Variants in ARID4A observed in about 807,000 individuals in gnomAD.
ARID4A encodes AT-rich interactive domain-containing protein 4A.
ARID4A carries 39 observed loss-of-function variants against 148.6 expected under a neutral mutation model. The ratio of observed to expected loss-of-function variants is 0.26; its 90% CI spans 0.20 to 0.34. The LOEUF (loss-of-function observed/expected upper bound fraction) is 0.34, where lower values mean the gene tolerates loss of function less well. ARID4A is among the 10% of genes least tolerant of loss of function. ARID4A has a pLI of 1.00. For synonymous variants in ARID4A, 475 were observed against 481.2 expected (o/e 0.99, Z 0.17); for missense variants, 1,265 against 1,449.1 (o/e 0.87, Z 2.06).
At chr14:58,370,191 T>G (rs1381977471) in intron 23 of ARID4A, 1 of 152,326 alleles carries the variant, frequency 6.6e-6, no homozygotes, top group East Asian at 1.9e-4. Flanking sequence ...CTTTTGAATA[T>G]CAAAAGAAGA....
At chr14:58,306,539 G>A (rs2031615535) in intron 5 of ARID4A, among the ~76,000 whole-genome samples, 2 of 152,172 alleles carry the variant, frequency 1.3e-5, no homozygotes, top group Admixed American at 1.3e-4. Flanking sequence ...ATAGGTGATT[G>A]TTAACTTAGT....
intron 11 of ARID4A, among the ~76,000 whole-genome samples, chr14:58,344,475 T>C (rs2034261170): frequency 6.6e-6 from 1 of 152,172 alleles, no homozygotes; most frequent in Non-Finnish European, 1.5e-5. Flanking sequence ...CTTACAGTGA[T>C]ACTGAAAAGT....
intron 3 of ARID4A, among the ~76,000 whole-genome samples, chr14:58,303,292 G>A (rs1030190036): frequency 1.2e-4 from 19 of 152,038 alleles, no homozygotes; most frequent in Admixed American, 1.2e-3. Flanking sequence ...ATTTCTTTGT[G>A]TTGGGAATAT....
intron 5 of ARID4A, 88 bp from the exon 6 acceptor site, chr14:58,318,454 T>C: frequency 8.0e-7 from 1 of 1,248,198 alleles, no homozygotes; most frequent in South Asian, 1.3e-5. Context: ...TATTAAGCTC[T>C]AATTAATAGC....
At chr14:58,340,275 G>C (rs2034047970) in intron 11 of ARID4A, among the ~76,000 whole-genome samples, 1 of 152,060 alleles carries the variant, frequency 6.6e-6, no homozygotes, top group Non-Finnish European at 1.5e-5. Context: ...GCCCAGGCTG[G>C]AGTGCAGTGG....
In ARID4A at chr14:58,347,655, A is replaced by T; in HGVS notation, c.1181A>T (p.Tyr394Phe). ...NVKTAYRKYLYGFEEYCRSAN... is the reference protein window; with the variant it reads ...NVKTAYRKYLFGFEEYCRSAN... Reference sequence around the variant, plus strand: ...AAATATTGTTTGTTTAGGTATCTCTATGGTTTTGAGGAGTACTGCCGTTCG... The same window carrying T: ...AAATATTGTTTGTTTAGGTATCTCTTTGGTTTTGAGGAGTACTGCCGTTCG... The change falls in exon 15 of 24, where the codon TAT (tyrosine) becomes TTT (phenylalanine). Residue 394 changes from tyrosine (Y) to phenylalanine (F), a missense_variant. By Grantham distance (22) the Tyr-to-Phe change is conservative. Transcript: ENST00000355431. The T allele has an allele frequency of 6.3e-7, 1 of 1,592,266 alleles. No homozygotes were observed. The highest frequency in any genetic ancestry group is 8.6e-7 in the Non-Finnish European group (1 of 1,169,314).
intron 7 of ARID4A, among the ~76,000 whole-genome samples, 173 bp downstream of exon 7, chr14:58,318,978 C>G (rs1008852530): frequency 6.6e-6 from 1 of 152,070 alleles, no homozygotes; most frequent in African/African-American, 2.4e-5. Flanking sequence ...CAATATTTGC[C>G]CAGGAATGAT....
intron 11 of ARID4A, among the ~76,000 whole-genome samples, chr14:58,334,484 C>G (rs2033696055): frequency 6.6e-6 from 1 of 152,068 alleles, no homozygotes. Context: ...AAGAATAGTA[C>G]CACTCTAAAT....
chr14:58,312,731 A>G (rs1008721401), intron 5 of ARID4A, among the ~76,000 whole-genome samples: 1 of 152,150 alleles, frequency 6.6e-6, no homozygotes, highest in African/African-American at 2.4e-5. Flanking sequence ...TTTCATGCCT[A>G]TTATGTCTTT....
chr14:58,316,177 T>A (rs778641930), intron 5 of ARID4A, among the ~76,000 whole-genome samples: 28 of 152,212 alleles, frequency 1.8e-4, no homozygotes, highest in Non-Finnish European at 2.6e-4. Context: ...TTCTAAGATA[T>A]CAAATGAATG....
At chr14:58,320,427 G>A (rs1461078114) in intron 7 of ARID4A, among the ~76,000 whole-genome samples, 1 of 151,834 alleles carries the variant, frequency 6.6e-6, no homozygotes, top group African/African-American at 2.4e-5. Context: ...CATAATATAT[G>A]GTTAATATTT....
intron 5 of ARID4A, among the ~76,000 whole-genome samples, chr14:58,317,547 C>T (rs1174187343): frequency 1.3e-5 from 2 of 151,328 alleles, no homozygotes; most frequent in African/African-American, 2.4e-5. Context: ...CACCTCGCCT[C>T]CCAAAGTGCT....
intron 3 of ARID4A, among the ~76,000 whole-genome samples, chr14:58,303,100 A>AT (rs528104948): frequency 6.6e-6 from 1 of 152,134 alleles, no homozygotes; most frequent in Non-Finnish European, 1.5e-5. Flanking sequence ...TGCTTATTAT[A>AT]AACATTTTTA....
At chr14:58,299,748 C>G in intron 1 of ARID4A, 50 bp from the exon 2 acceptor site, 1 of 1,514,244 alleles carries the variant, frequency 6.6e-7, no homozygotes, top group Non-Finnish European at 9.2e-7. Context: ...CTTGGTCGCT[C>G]CCCGCAGTTG....
chr14:58,325,852 A>T (rs2033176750), intron 8 of ARID4A, among the ~76,000 whole-genome samples: 1 of 152,198 alleles, frequency 6.6e-6, no homozygotes, highest in South Asian at 2.1e-4. Context: ...TAGGTTTGCC[A>T]AGAGTTTTTT....
Position 58,365,311 on chromosome 14 carries a change from T to G in ARID4A, c.3211+11T>G. On this transcript the variant is annotated intron_variant, in intron 20 of 23. Coordinates refer to ENST00000355431, the MANE Select transcript of ARID4A (RefSeq NM_002892.4). Reference sequence around the variant, plus strand: ...AGAGCAGAGAGAAGGGTAAGGACTTTCTAGGGAAAAGTAAGTGTTTATATG... The same window carrying G: ...AGAGCAGAGAGAAGGGTAAGGACTTGCTAGGGAAAAGTAAGTGTTTATATG... The G allele has an allele frequency of 6.3e-7, 1 of 1,592,320 alleles. No homozygotes were observed. Among genetic ancestry groups the G allele is most frequent in the Non-Finnish European group, 8.5e-7 (1 of 1,171,046 alleles).
At chr14:58,319,275 G>A (rs996455849) in intron 7 of ARID4A, among the ~76,000 whole-genome samples, 2 of 150,728 alleles carry the variant, frequency 1.3e-5, no homozygotes, top group Non-Finnish European at 2.9e-5. Flanking sequence ...CACCATATTG[G>A]CCAGGCTGGT....
Position 58,351,265 on chromosome 14 carries a change from A to G in ARID4A, c.1597A>G (p.Lys533Glu). ...ACCAAAGCAAAAAGAGAAGAAAATT[A>G]AAAAACAGGAGGATTCTGACAAAGA... The part of the protein sequence containing the change: ...NTPKQKEKKI[K>E]KQEDSDKDSD... Residue 533 changes from lysine (K) to glutamate (E), a missense_variant, in exon 16 of 24, where the codon AAA becomes GAA. Coordinates refer to ENST00000355431, the MANE Select transcript of ARID4A (RefSeq NM_002892.4). 6.2e-7 allele frequency: 1 copy of G among 1,611,074 alleles called. No homozygotes were observed. Among genetic ancestry groups the G allele is most frequent in the Non-Finnish European group, 8.5e-7 (1 of 1,179,452 alleles).
intron 17 of ARID4A, among the ~76,000 whole-genome samples, chr14:58,357,222 T>A (rs910090874): frequency 1.3e-5 from 2 of 152,210 alleles, no homozygotes; most frequent in African/African-American, 4.8e-5. Flanking sequence ...TGAGCATGTT[T>A]AAGGTAGGCT....
Sources: allele counts gnomAD v4.1 joint callset (sites outside exome capture counted in the v4.1 genomes callset), GRCh38; gene constraint gnomAD v4.1.1; transcripts MANE v1.5; gene names NCBI Gene and HGNC (gene_info 2026-07-23, HGNC 2026-07-21).